PIWIL1: variants seen among roughly 807,000 people sequenced by gnomAD.
The protein encoded by PIWIL1 is piwi like RNA-mediated gene silencing 1.
A neutral mutation model predicts 114.4 loss-of-function variants in PIWIL1; 73 were observed. The ratio of observed to expected loss-of-function variants is 0.64; its 90% confidence interval spans 0.53 to 0.78. The LOEUF is 0.78. Among genes scored for constraint, PIWIL1 ranks in the 30% least tolerant of loss-of-function variants. PIWIL1 has a pLI of 0.00. For synonymous variants in PIWIL1, 375 were observed against 369.0 expected, an observed-to-expected ratio of 1.02 and a Z score of -0.19; for missense variants, 723 against 1,063.1, an observed-to-expected ratio of 0.68 and a Z score of 4.45.
At chr12:130,374,310 G>A (rs553783270), downstream of PIWIL1, among the ~76,000 whole-genome samples, 1 of 152,232 alleles carries the variant, frequency 6.6e-6, no homozygotes, top group African/African-American at 2.4e-5. Flanking sequence ...ACTATGATAC[G>A]AGTCTTCAGA....
chr12:130,409,095 A>C, the PIWIL1 span, among the ~76,000 whole-genome samples: 2 of 152,192 alleles, frequency 1.3e-5, no homozygotes, highest in Non-Finnish European at 2.9e-5. Context: ...TGGCATAACA[A>C]CATACATGTA....
At chr12:130,419,533 TTTGATTTTTTTTATTGCAGGGAAACC>T in the PIWIL1 span, 1 of 152,230 alleles carries the variant, frequency 6.6e-6, no homozygotes, top group East Asian at 1.9e-4. The surrounding 1 kb of genome is among the most constrained non-coding windows in gnomAD (Gnocchi z 4.3). Context: ...GTTGACAGCT[TTTGATTTTTTTTATTGCAGGGAAACC>T]TGAAGAAAAG....
At chr12:130,394,354 C>T in the PIWIL1 span, among the ~76,000 whole-genome samples, 9 of 152,316 alleles carry the variant, frequency 5.9e-5, no homozygotes, top group South Asian at 2.1e-4. Flanking sequence ...AGCTTGCACG[C>T]GGAGGTGCAC....
At chr12:130,354,499 A>C in intron 9 of PIWIL1, 38 bp from the exon 10 acceptor site, 1 of 1,613,458 alleles carries the variant, frequency 6.2e-7, no homozygotes. Context: ...TACTCGAGGC[A>C]TTTGCCGTGA....
chr12:130,349,488 T>C (rs1230248806), intron 8 of PIWIL1, 52 bp downstream of exon 8: 1 of 1,237,124 alleles, frequency 8.1e-7, no homozygotes, highest in Non-Finnish European at 1.2e-6. Flanking sequence ...CAAAGTATTG[T>C]GGCTTTCTAG....
the PIWIL1 span, chr12:130,424,921 GC>G: frequency 2.0e-6 from 2 of 995,138 alleles, no homozygotes; most frequent in Non-Finnish European, 2.6e-6. This position sits in a 1 kb window ranked among gnomAD's most constrained non-coding sequence, Gnocchi z 9.8. Context: ...TGAAGTGGGG[GC>G]CAGGGGAGGA....
the PIWIL1 span, chr12:130,414,336 C>A: frequency 6.5e-7 from 1 of 1,544,588 alleles, no homozygotes; most frequent in Non-Finnish European, 8.7e-7. Flanking sequence ...AAGAACAGAG[C>A]GGCAGTGAGC....
chr12:130,373,482 A>G (rs2073843997), downstream of PIWIL1, among the ~76,000 whole-genome samples: 1 of 152,180 alleles, frequency 6.6e-6, no homozygotes, highest in Admixed American at 6.5e-5. Context: ...CTTAGTTGAA[A>G]GGGACAGAAA....
chr12:130,347,075 T>A lies in PIWIL1; in HGVS notation c.653+13T>A, dbSNP rs1486760689. ...TTATTTTCAGGAGGTATGTGTTTTA[T>A]TTCAACATTTTATTAAGAAAACAGC... On this transcript the variant is annotated intron_variant, in intron 6 of 20. Transcript: ENST00000245255. 5.7e-6 allele frequency: 9 copies of A among 1,573,814 alleles called. No homozygotes were observed. The highest frequency in any genetic ancestry group is 7.8e-6 in the Non-Finnish European group (9 of 1,151,320).
intron 19 of PIWIL1, among the ~76,000 whole-genome samples, chr12:130,370,961 C>A (rs75849745): frequency 0.056 from 8,500 of 152,276 alleles, 352 homozygotes; most frequent in South Asian, 0.19. Flanking sequence ...TCAAAATCAT[C>A]ATCTTTATGA....
In PIWIL1 at chr12:130,371,566, C is replaced by A; in HGVS notation, c.2554C>A (p.Leu852Met). The change falls in exon 21 of 21, where the codon CTG becomes ATG. Residue 852 changes from leucine (L) to methionine (M), a missense_variant. Physicochemically the swap from Leu to Met is conservative, Grantham distance 15 (BLOSUM62 2). Transcript: ENST00000245255. ...VGQSIHREPN[L>M]SLSNRLYYL ...CCAGAGTATTCACAGAGAGCCAAAT[C>A]TGTCACTGTCAAACCGCCTTTACTA... is the stretch of plus-strand genomic sequence containing the variant. 1 of 1,613,934 alleles carries A rather than the reference C, an allele frequency of 6.2e-7. No individual in the cohort carries two copies. The highest frequency in any genetic ancestry group is 8.5e-7 in the Non-Finnish European group (1 of 1,179,794).
At chr12:130,378,529 T>G in the PIWIL1 span, among the ~76,000 whole-genome samples, 7 of 152,308 alleles carry the variant, frequency 4.6e-5, no homozygotes, top group East Asian at 1.4e-3. Flanking sequence ...TGTCTGCAAC[T>G]TCATGAAAAG....
At chr12:130,368,949 G>A (rs1053379651) in intron 19 of PIWIL1, among the ~76,000 whole-genome samples, 13 of 150,322 alleles carry the variant, frequency 8.6e-5, no homozygotes, top group Non-Finnish European at 1.3e-4. Flanking sequence ...TTGTTACATC[G>A]TGCCATGGTG....
rs2072754062 is a variant in PIWIL1, at chr12:130,337,933, C to G, written c.-226C>G. 6.2e-6 allele frequency: 1 copy of G among 161,230 alleles called. No individual in the cohort carries two copies. Among genetic ancestry groups the G allele is most frequent in the African/African-American group, 2.4e-5 (1 of 41,496 alleles). 10.0% of individuals were successfully genotyped at this position (161,230 alleles called of 1,614,324 possible). ...AGACACGAGGCCGGCGCCCGGGAGG[C>G]GGTGTTCATCCGCCCGGGAAAAGAG... On this transcript the variant is annotated 5_prime_UTR_variant, in exon 1 of 21. Transcript: ENST00000245255.
At chr12:130,391,175 A>G in the PIWIL1 span, among the ~76,000 whole-genome samples, 1 of 152,230 alleles carries the variant, frequency 6.6e-6, no homozygotes, top group South Asian at 2.1e-4. Flanking sequence ...CCAGCAGCAC[A>G]TGGGCCTGAG....
chr12:130,361,139 C>T, intron 14 of PIWIL1, 41 bp from the exon 15 acceptor site: 3 of 1,584,626 alleles, frequency 1.9e-6, no homozygotes, highest in Non-Finnish European at 2.6e-6. Flanking sequence ...TCTTAATCAT[C>T]TGTCTCCTAA....
At chr12:130,342,435 A>G (rs1295084394) in intron 1 of PIWIL1, 145 bp from the exon 2 acceptor site, 1 of 619,942 alleles carries the variant, frequency 1.6e-6, no homozygotes, top group East Asian at 2.7e-5. Flanking sequence ...ATTAAAAAAA[A>G]CTGTCATTAA....
chr12:130,381,041 C>A, the PIWIL1 span, among the ~76,000 whole-genome samples: 5 of 152,056 alleles, frequency 3.3e-5, no homozygotes, highest in African/African-American at 9.7e-5. Context: ...CCCAGCCTCC[C>A]CCATATCAAC....
intron 1 of PIWIL1, among the ~76,000 whole-genome samples, chr12:130,340,176 G>A (rs2136117552): frequency 6.6e-6 from 1 of 152,270 alleles, no homozygotes; most frequent in East Asian, 1.9e-4. Context: ...CTGGATTCTT[G>A]TGGTTTCAGA....
Sources: gnomAD v4.1 joint callset for allele counts (sites outside exome capture counted in the v4.1 genomes callset) on GRCh38, gnomAD v4.1.1 for gene constraint, Gnocchi (gnomAD v3.1) non-coding constraint, MANE v1.5 for transcripts, NCBI Gene and HGNC (gene_info 2026-07-23, HGNC 2026-07-21) for gene names.